Variants in NUP88 observed in about 807,000 individuals in gnomAD.
NUP88 encodes the protein nucleoporin 88.
A neutral mutation model predicts 93.9 loss-of-function variants in NUP88; 57 were observed. The ratio of observed to expected loss-of-function variants is 0.61; its 90% confidence interval spans 0.49 to 0.76. The LOEUF (loss-of-function observed/expected upper bound fraction) is 0.76. Among genes scored for constraint, NUP88 ranks in the 30% least tolerant of loss-of-function variants. The pLI is 0.00. For missense variants in NUP88, 911 were observed against 901.0 expected, an observed-to-expected ratio of 1.01 and a Z score of -0.14; for synonymous variants, 346 against 336.8, an observed-to-expected ratio of 1.03 and a Z score of -0.30.
At chr17:5,401,443 T>C (rs1806242) in intron 7 of NUP88, among the ~76,000 whole-genome samples, 66,352 of 151,960 alleles carry the variant, frequency 0.44, 15,254 homozygotes, top group East Asian at 0.84. Flanking sequence ...ATAAGGTATA[T>C]ATTAAAGCTG....
intron 4 of NUP88, among the ~76,000 whole-genome samples, chr17:5,409,469 TAC>T (rs1287977005): frequency 6.6e-6 from 1 of 151,214 alleles, no homozygotes; most frequent in East Asian, 1.9e-4. Context: ...ATAGTTTAAA[TAC>T]ACAGATATAC....
At position 5,405,089 on chromosome 17, in the gene NUP88, C is replaced by G. The variant is rs779828157; in HGVS notation, c.1012G>C (p.Val338Leu). The G allele has an allele frequency of 3.7e-6, 6 of 1,613,966 alleles. No individual in the cohort carries two copies. Among genetic ancestry groups the G allele is most frequent in the Non-Finnish European group, 5.1e-6 (6 of 1,179,994 alleles). ...TESGMLYHCV[V>L]LEGEEEDDHT... ...TCATCTTCTTCTTCCCCTTCTAGCA[C>G]GACACAGTGATACAGCATTCCTGAT... Residue 338 changes from valine to leucine, a missense_variant, in exon 6 of 17, where the codon GTG (valine) becomes CTG (leucine). Val to Leu is a conservative substitution (Grantham distance 32). Coordinates refer to ENST00000573584, the MANE Select transcript of NUP88 (RefSeq NM_002532.6).
chr17:5,412,131 A>C (rs936556885), intron 3 of NUP88, among the ~76,000 whole-genome samples: 2 of 152,214 alleles, frequency 1.3e-5, no homozygotes, highest in African/African-American at 4.8e-5. Context: ...TTGGGGCCAG[A>C]TACTTCCTTT....
At chr17:5,402,960 A>G (rs1023336827) in intron 7 of NUP88, among the ~76,000 whole-genome samples, 1 of 152,186 alleles carries the variant, frequency 6.6e-6, no homozygotes, top group Admixed American at 6.5e-5. Context: ...ACTGTACTCC[A>G]GCCTAGATGA....
intron 16 of NUP88, 68 bp from the exon 17 acceptor site, chr17:5,386,337 T>A: frequency 8.3e-7 from 1 of 1,208,872 alleles, no homozygotes; most frequent in Non-Finnish European, 1.2e-6. Flanking sequence ...CTTAAGAATT[T>A]AAACTGGTAA....
intron 4 of NUP88, among the ~76,000 whole-genome samples, chr17:5,409,271 G>A (rs573750509): frequency 1.3e-5 from 2 of 151,936 alleles, no homozygotes; most frequent in African/African-American, 2.4e-5. Flanking sequence ...CTACTTGGGA[G>A]GCTAAGGCAG....
chr17:5,389,942 G>A (rs1489480767), intron 10 of NUP88, among the ~76,000 whole-genome samples: 1 of 151,970 alleles, frequency 6.6e-6, no homozygotes, highest in Non-Finnish European at 1.5e-5. Context: ...GAGGTGGGTG[G>A]ATCACCTGAG....
chr17:5,386,667 A>G (rs1912003914), intron 16 of NUP88, 41 bp downstream of exon 16: 2 of 1,328,916 alleles, frequency 1.5e-6, no homozygotes, highest in Non-Finnish European at 2.2e-6. Flanking sequence ...GTAAAGGAAA[A>G]ACTATCTCAC....
chr17:5,404,263 T>C lies in NUP88; in HGVS notation c.1045-17A>G. 1 of 1,610,286 alleles carries C rather than the reference T, an allele frequency of 6.2e-7. No individual in the cohort carries two copies. The highest frequency in any genetic ancestry group is 1.7e-4 in the Middle Eastern group (1 of 6,044). On this transcript the variant is annotated splice_polypyrimidine_tract_variant and intron_variant, in intron 6 of 16. Transcript: ENST00000573584. ...CTTTTCTGACTGTAAAAAAAAGTGT[T>C]GTAATTTTGATCTTGCATGTTAATT...
rs60207578 is a variant in NUP88 at position 5,405,409 on chromosome 17, CTG to C, written c.858-168_858-167del. On this transcript the variant is annotated intron_variant, in intron 5 of 16. Transcript: ENST00000573584. ...GCTTTCCCACTCAGATCCCACCACT[CTG>C]TGTTTCTCAACCAGAGATAATTTTG... Among the ~76,000 whole-genome samples the C allele has an allele frequency of 8.6e-3, 1,311 of 152,294 alleles. 24 individuals carry two copies. The highest frequency in any genetic ancestry group is 0.03 in the African/African-American group (1,245 of 41,546).
At chr17:5,417,921 C>CACG (rs1914262278) in intron 1 of NUP88, 1 of 152,070 alleles carries the variant, frequency 6.6e-6, no homozygotes, top group South Asian at 2.1e-4. Flanking sequence ...GCCAGCAGAT[C>CACG]ACGAGGTCAG....
chr17:5,398,139 C>CT, intron 8 of NUP88, among the ~76,000 whole-genome samples: 1 of 118,296 alleles, frequency 8.5e-6, no homozygotes, highest in Non-Finnish European at 1.8e-5. Context: ...TCTTGAAGTC[C>CT]TAACCTCAAG....
At chr17:5,410,919 A>G in intron 3 of NUP88, 130 bp from the exon 4 acceptor site, 1 of 659,510 alleles carries the variant, frequency 1.5e-6, no homozygotes, top group Non-Finnish European at 2.7e-6. Flanking sequence ...CTTTGCAAAA[A>G]TCTTGCTGTT....
chr17:5,409,982 A>G (rs554938124), intron 4 of NUP88, among the ~76,000 whole-genome samples: 1 of 152,318 alleles, frequency 6.6e-6, no homozygotes, highest in African/African-American at 2.4e-5. Context: ...GCACAGAGGG[A>G]GGAATGAAGC....
intron 9 of NUP88, among the ~76,000 whole-genome samples, 186 bp downstream of exon 9, chr17:5,394,705 C>T (rs1912659013): frequency 6.6e-6 from 1 of 152,066 alleles, no homozygotes; most frequent in Non-Finnish European, 1.5e-5. Flanking sequence ...AACAGTATGT[C>T]GAGTGGCCCT....
In NUP88 at chr17:5,404,643, A is replaced by T. The variant is rs1023058739; in HGVS notation, c.1045-397T>A. 4.8e-4 allele frequency among the ~76,000 whole-genome samples: 73 copies of T among 152,280 alleles called. 1 individual carries two copies. Among genetic ancestry groups the T allele is most frequent in the African/African-American group, 8.7e-4 (36 of 41,572 alleles). On this transcript the variant is annotated intron_variant, in intron 6 of 16. Coordinates refer to ENST00000573584, the MANE Select transcript of NUP88 (RefSeq NM_002532.6). The stretch of plus-strand genomic sequence containing the variant: ...AAAATAATAATAAAAAATAAATAAA[A>T]AAATTGAAAAAAAAGCTGGGTCAAA...
chr17:5,409,356 A>G (rs1309498695), intron 4 of NUP88, among the ~76,000 whole-genome samples: 5 of 145,108 alleles, frequency 3.4e-5, no homozygotes, highest in African/African-American at 1.3e-4. Flanking sequence ...CCTGGGCGAC[A>G]AGAGCGAAAC....
rs144787092 is a variant in NUP88 at position 5,406,588 on chromosome 17, A to C, written c.858-1345T>G. On this transcript the variant is annotated intron_variant, in intron 5 of 16. Transcript: ENST00000573584. ...ATGGGATTTGGGGAAACTATTTAAGAAAATAAGCCAGGCAGATGGTGAAGT... is the reference window on the plus strand; with the variant it reads ...ATGGGATTTGGGGAAACTATTTAAGCAAATAAGCCAGGCAGATGGTGAAGT... 6.3e-3 allele frequency among the ~76,000 whole-genome samples: 961 copies of C among 152,308 alleles called. 7 individuals are homozygous for C. The highest frequency in any genetic ancestry group is 0.022 in the African/African-American group (903 of 41,566).
At position 5,386,001 on chromosome 17, in the gene NUP88, C is replaced by G. The variant is rs1911926853; in HGVS notation, c.*205G>C. On this transcript the variant is annotated 3_prime_UTR_variant, in exon 17 of 17. Coordinates refer to ENST00000573584, the MANE Select transcript of NUP88 (RefSeq NM_002532.6). ...AATCCTGAGTCCTTGCTGAACACAA[C>G]TGTAGGCTTGAGTTATAAAGCACAT... 3 of 520,640 alleles carry G rather than the reference C, an allele frequency of 5.8e-6. No homozygotes were observed. Among genetic ancestry groups the G allele is most frequent in the Non-Finnish European group, 1.0e-5 (3 of 298,408 alleles). The allele number at this position is 520,640 out of a possible 1,614,324, so 32.3% of individuals were successfully genotyped here.
Sources: gnomAD v4.1 joint callset for allele counts (sites outside exome capture counted in the v4.1 genomes callset) on GRCh38, gnomAD v4.1.1 for gene constraint, MANE v1.5 for transcripts, NCBI Gene and HGNC (gene_info 2026-07-23, HGNC 2026-07-21) for gene names.